The following DPP10 variants were observed in gnomAD, a reference collection of about 807,000 sequenced individuals.
DPP10 encodes inactive dipeptidyl peptidase 10.
DPP10 carries 33 observed loss-of-function variants against 120.9 expected under a neutral mutation model. The ratio of observed to expected loss-of-function variants is 0.27; its 90% CI spans 0.21 to 0.37. The LOEUF (loss-of-function observed/expected upper bound fraction) is 0.37, where lower values mean the gene tolerates loss of function less well. Among genes scored for constraint, DPP10 ranks in the 10% least tolerant of loss-of-function variants. DPP10 has a pLI of 1.00. For missense variants in DPP10, 816 were observed against 942.8 expected, an observed-to-expected ratio of 0.87 and a Z score of 1.76; for synonymous variants, 337 against 326.1, an observed-to-expected ratio of 1.03 and a Z score of -0.36.
chr2:115,270,539 T>C (rs569679386), intron 1 of DPP10, among the ~76,000 whole-genome samples: 2 of 152,102 alleles, frequency 1.3e-5, no homozygotes, highest in Non-Finnish European at 2.9e-5. Flanking sequence ...GGTGTTGACA[T>C]TAGGTTTTGT....
intron 1 of DPP10, among the ~76,000 whole-genome samples, chr2:115,185,538 G>A (rs796586200): frequency 4.6e-5 from 7 of 152,064 alleles, no homozygotes; most frequent in African/African-American, 1.7e-4. Context: ...ACTTTCACAA[G>A]TAAAAAAGTA....
At chr2:114,837,815 A>G (rs949307778) in intron 1 of DPP10, among the ~76,000 whole-genome samples, 4 of 152,176 alleles carry the variant, frequency 2.6e-5, no homozygotes, top group East Asian at 3.9e-4. Context: ...TGTCTTTTAT[A>G]TAGTTTTCTC....
At chr2:115,591,255 G>T (rs991840846) in intron 5 of DPP10, among the ~76,000 whole-genome samples, 1 of 152,156 alleles carries the variant, frequency 6.6e-6, no homozygotes, top group Admixed American at 6.5e-5. Context: ...GAATGGTACT[G>T]CCTAGGTTTT....
At chr2:115,442,611 A>G (rs1426759776) in intron 3 of DPP10, among the ~76,000 whole-genome samples, 2 of 152,146 alleles carry the variant, frequency 1.3e-5, no homozygotes, top group East Asian at 1.9e-4. Flanking sequence ...ACAGTCGAAC[A>G]AGATGCCATT....
At chr2:114,533,639 G>T (rs1686238716) in intron 1 of DPP10, among the ~76,000 whole-genome samples, 1 of 151,980 alleles carries the variant, frequency 6.6e-6, no homozygotes, top group Non-Finnish European at 1.5e-5. Context: ...TAAAAAAAAA[G>T]AAATGATAAG....
Position 115,445,153 on chromosome 2 carries a change from T to G in DPP10, c.272-54357T>G, listed in dbSNP as rs552278532. On this transcript the variant is annotated intron_variant, in intron 3 of 25. Transcript: ENST00000410059. ...TTTGCCTTCTGCCATAATTGTAAGT[T>G]TCCTGAGGCCTCCTCAGCCATGCAG... 3.3e-5 allele frequency among the ~76,000 whole-genome samples: 5 copies of G among 152,320 alleles called. No homozygotes were observed. In the East Asian group the frequency reaches 5.8e-4, roughly 18 times the overall value.
intron 1 of DPP10, among the ~76,000 whole-genome samples, chr2:114,852,775 T>TC (rs1488725320): frequency 2.4e-4 from 37 of 152,236 alleles, no homozygotes; most frequent in African/African-American, 8.2e-4. Flanking sequence ...AATTATGTAT[T>TC]CTAACACCCG....
chr2:115,486,173 T>C (rs570775841), intron 3 of DPP10, among the ~76,000 whole-genome samples: 1 of 152,264 alleles, frequency 6.6e-6, no homozygotes, highest in East Asian at 1.9e-4. Context: ...TGTCTTTTTC[T>C]TCTATCACCT....
intron 5 of DPP10, among the ~76,000 whole-genome samples, chr2:115,600,321 CA>C (rs1022072872): frequency 5.9e-5 from 9 of 152,070 alleles, no homozygotes; most frequent in Non-Finnish European, 1.2e-4. Flanking sequence ...TTCAAACACC[CA>C]AACTTCCTGT....
intron 2 of DPP10, among the ~76,000 whole-genome samples, chr2:115,330,286 T>A (rs1352091897): frequency 6.6e-6 from 1 of 152,122 alleles, no homozygotes; most frequent in African/African-American, 2.4e-5. Context: ...GTTGGGTTTG[T>A]TTTTTTCTTG....
At chr2:114,796,043 T>G (rs1683680724) in intron 1 of DPP10, among the ~76,000 whole-genome samples, 2 of 152,216 alleles carry the variant, frequency 1.3e-5, no homozygotes, top group Admixed American at 1.3e-4. Flanking sequence ...GTTCCTACTG[T>G]CCACTTAAAA....
chr2:115,126,304 AT>A (rs1303493281), intron 1 of DPP10, among the ~76,000 whole-genome samples: 3 of 151,988 alleles, frequency 2.0e-5, no homozygotes, highest in African/African-American at 7.2e-5. Context: ...ATTTCACCAC[AT>A]CGCCCAGCCT....
chr2:115,447,746 G>A (rs1040201588), intron 3 of DPP10, among the ~76,000 whole-genome samples: 4 of 152,162 alleles, frequency 2.6e-5, no homozygotes, highest in African/African-American at 9.7e-5. Context: ...GATCTCCTCA[G>A]CCATGCAGAA....
chr2:115,706,891 A>C (rs1054192719), intron 7 of DPP10, among the ~76,000 whole-genome samples: 59 of 152,016 alleles, frequency 3.9e-4, no homozygotes, highest in African/African-American at 1.4e-3. Flanking sequence ...GAGACTCTTC[A>C]TGTCAGAAAT....
chr2:114,600,006 A>G (rs1470609636), intron 1 of DPP10, among the ~76,000 whole-genome samples: 3 of 151,062 alleles, frequency 2.0e-5, no homozygotes, highest in Non-Finnish European at 3.0e-5. Context: ...TCTAGGGTCT[A>G]TTTTTTTAAT....
At chr2:115,636,628 G>A (rs189874972) in intron 5 of DPP10, among the ~76,000 whole-genome samples, 28 of 151,904 alleles carry the variant, frequency 1.8e-4, no homozygotes, top group Admixed American at 1.6e-3. Context: ...GAGAGAAGGA[G>A]AAAAAGTGAG....
intron 1 of DPP10, among the ~76,000 whole-genome samples, chr2:114,952,551 A>G (rs1697872128): frequency 6.6e-6 from 1 of 152,124 alleles, no homozygotes; most frequent in South Asian, 2.1e-4. Flanking sequence ...GCCTTGTAAA[A>G]TGAGTGTATG....
At chr2:115,176,838 C>T (rs1013452236) in intron 1 of DPP10, among the ~76,000 whole-genome samples, 1 of 152,156 alleles carries the variant, frequency 6.6e-6, no homozygotes, top group Non-Finnish European at 1.5e-5. Flanking sequence ...TTGTCTGCCT[C>T]TGGAGTCCAT....
intron 1 of DPP10, among the ~76,000 whole-genome samples, chr2:115,198,084 C>T (rs549073534): frequency 6.6e-6 from 1 of 152,274 alleles, no homozygotes; most frequent in South Asian, 2.1e-4. Flanking sequence ...TGTACTTTCT[C>T]ATCACAACTT....
Sources: allele counts gnomAD v4.1 joint callset (sites outside exome capture counted in the v4.1 genomes callset), GRCh38; gene constraint gnomAD v4.1.1; transcripts MANE v1.5; gene names NCBI Gene and HGNC (gene_info 2026-07-23, HGNC 2026-07-21).